Variants in VPS54 observed in about 807,000 individuals in gnomAD.
The protein encoded by VPS54 is vacuolar protein sorting-associated protein 54.
VPS54 carries 45 observed loss-of-function variants against 121.5 expected under a neutral mutation model. The observed-to-expected ratio is 0.37, with a 90% confidence interval of 0.29 to 0.47. The LOEUF is 0.47. Among genes scored for constraint, VPS54 ranks in the 20% least tolerant of loss-of-function variants. The pLI, the probability that VPS54 is intolerant of heterozygous loss-of-function variation, is 0.99. For missense variants in VPS54, 1,090 were observed against 1,131.4 expected (o/e 0.96, Z 0.52); for synonymous variants, 371 against 385.8 (o/e 0.96, Z 0.45).
intron 1 of VPS54, among the ~76,000 whole-genome samples, chr2:64,004,952 T>C (rs920260971): frequency 2.6e-5 from 4 of 151,388 alleles, no homozygotes; most frequent in Non-Finnish European, 4.4e-5. Flanking sequence ...CTAATTTTTG[T>C]ATTTTTGTAG....
chr2:63,935,994 C>A (rs1404971778), intron 11 of VPS54, among the ~76,000 whole-genome samples: 1 of 151,954 alleles, frequency 6.6e-6, no homozygotes, highest in South Asian at 2.1e-4. Context: ...ACTGATGAAG[C>A]CAAGAGGAAA....
intron 1 of VPS54, among the ~76,000 whole-genome samples, chr2:64,001,143 C>G (rs1677855778): frequency 6.6e-6 from 1 of 152,216 alleles, no homozygotes; most frequent in African/African-American, 2.4e-5. Context: ...AGGAGCCTCA[C>G]CCTGTGGCCA....
At chr2:64,011,829 G>C (rs1428875124) in intron 1 of VPS54, among the ~76,000 whole-genome samples, 1 of 151,834 alleles carries the variant, frequency 6.6e-6, no homozygotes. Flanking sequence ...CTCATTCAGA[G>C]GTACTGAAGA....
chr2:63,964,950 C>G (rs979839451), intron 6 of VPS54, among the ~76,000 whole-genome samples: 3 of 152,070 alleles, frequency 2.0e-5, no homozygotes, highest in African/African-American at 7.2e-5. Flanking sequence ...ATTTAAAGAT[C>G]TAAATATTAA....
intron 18 of VPS54, among the ~76,000 whole-genome samples, chr2:63,912,942 GC>G (rs1289000579): frequency 6.6e-6 from 1 of 152,048 alleles, no homozygotes; most frequent in Non-Finnish European, 1.5e-5. Context: ...CATTCAGATA[GC>G]TTTCACCCCC....
chr2:63,945,417 G>C (rs773471604), intron 9 of VPS54, among the ~76,000 whole-genome samples: 1 of 152,092 alleles, frequency 6.6e-6, no homozygotes, highest in Non-Finnish European at 1.5e-5. Flanking sequence ...GGAGAGAAAT[G>C]ACCAGAAAAA....
At position 63,915,831 on chromosome 2, in the gene VPS54, CT is replaced by C. The variant is rs1198490877; in HGVS notation, c.2228+1068del. ...AGAAAAAGGATTAATTCTATACATA[CT>C]TTTTGAGTGCTTATTATGGTGCCAA... On this transcript the variant is annotated intron_variant, in intron 16 of 22. Transcript: ENST00000272322. Among the ~76,000 whole-genome samples the C allele has an allele frequency of 6.6e-5, 10 of 152,278 alleles. No homozygotes were observed. The South Asian group carries it at 1.0e-3, about 16-fold the overall frequency.
At chr2:63,969,992 C>T (rs1322304757) in intron 4 of VPS54, among the ~76,000 whole-genome samples, 1 of 151,820 alleles carries the variant, frequency 6.6e-6, no homozygotes, top group African/African-American at 2.4e-5. Flanking sequence ...AATGAACCTA[C>T]TTTACTTTCA....
chr2:64,012,448 A>T, intron 1 of VPS54, among the ~76,000 whole-genome samples: 1 of 111,818 alleles, frequency 8.9e-6, no homozygotes, highest in East Asian at 2.0e-4. Context: ...CTCAAAAAGT[A>T]ACTGTTTAAA....
chr2:63,937,999 T>TAGAA (rs1283560319), intron 11 of VPS54, among the ~76,000 whole-genome samples: 1 of 150,598 alleles, frequency 6.6e-6, no homozygotes, highest in Non-Finnish European at 1.5e-5. Flanking sequence ...AGACAGAAAG[T>TAGAA]AGAATGGTGG....
At chr2:63,933,614 G>A (rs1224315564) in intron 12 of VPS54, 59 bp downstream of exon 12, 67 of 1,445,624 alleles carry the variant, frequency 4.6e-5, no homozygotes, top group Non-Finnish European at 6.3e-5. Flanking sequence ...CAATCTTACT[G>A]AATCCATTAA....
chr2:63,966,070 T>C (rs1279072785), intron 5 of VPS54, 104 bp from the exon 6 acceptor site: 2 of 1,164,126 alleles, frequency 1.7e-6, no homozygotes, highest in African/African-American at 3.2e-5. Flanking sequence ...GGATCTTGAG[T>C]ATGAATAGCA....
intron 6 of VPS54, 31 bp from the exon 7 acceptor site, chr2:63,962,474 A>C (rs1428828506): frequency 1.3e-6 from 2 of 1,566,656 alleles, no homozygotes; most frequent in Middle Eastern, 1.7e-4. Flanking sequence ...AATATGAAGT[A>C]CTATGAGCAT....
intron 11 of VPS54, among the ~76,000 whole-genome samples, chr2:63,939,853 C>T (rs893748481): frequency 2.0e-5 from 3 of 152,076 alleles, no homozygotes; most frequent in East Asian, 1.9e-4. Context: ...CTCCACCTCC[C>T]GGGTTCAAGT....
chr2:63,989,295 G>A (rs967479039), intron 1 of VPS54, among the ~76,000 whole-genome samples: 3 of 152,226 alleles, frequency 2.0e-5, no homozygotes, highest in African/African-American at 7.2e-5. Flanking sequence ...TGTTGCCCTT[G>A]AAGCACGTGA....
Position 63,897,556 on chromosome 2 carries a change from AG to A in VPS54, c.2767del (p.Leu923SerfsTer3). On this transcript the variant is annotated frameshift_variant, in exon 22 of 23. Transcript: ENST00000272322. LOFTEE classifies it high-confidence loss of function. ...GTGAGATAACTGCTTTTTCAAGTGG[AG>A]TTTATAACTTGCATTAATTCTTAAA... is the stretch of plus-strand genomic sequence containing the variant. ...LFLRINASYK[L>X]HLKKQLSHLN... The A allele has an allele frequency of 6.3e-7, 1 of 1,594,942 alleles. No homozygotes were observed. The highest frequency in any genetic ancestry group is 8.5e-7 in the Non-Finnish European group (1 of 1,170,426).
intron 2 of VPS54, among the ~76,000 whole-genome samples, chr2:63,982,460 C>G (rs1326658086): frequency 6.6e-6 from 1 of 152,144 alleles, no homozygotes; most frequent in African/African-American, 2.4e-5. Context: ...AAATATTGAA[C>G]CACTGCTTGT....
intron 1 of VPS54, among the ~76,000 whole-genome samples, chr2:63,991,393 C>T (rs1032436189): frequency 6.6e-6 from 1 of 152,120 alleles, no homozygotes; most frequent in African/African-American, 2.4e-5. Context: ...TACCTGATCA[C>T]GAGGTGTTCC....
intron 1 of VPS54, among the ~76,000 whole-genome samples, chr2:64,017,053 T>TGGGCCG (rs367955813): frequency 1.1e-4 from 16 of 139,772 alleles, no homozygotes; most frequent in South Asian, 4.7e-4. Flanking sequence ...AAGAGTGTGA[T>TGGGCCG]GGGCCGGGGC....
Sources: gnomAD v4.1 joint callset for allele counts (sites outside exome capture counted in the v4.1 genomes callset) on GRCh38, gnomAD v4.1.1 for gene constraint, MANE v1.5 for transcripts, NCBI Gene and HGNC (gene_info 2026-07-23, HGNC 2026-07-21) for gene names.